CAMKMT: variants seen among roughly 807,000 people sequenced by gnomAD.
CAMKMT encodes the protein CaM KMT.
A neutral mutation model predicts 48.0 loss-of-function variants in CAMKMT; 53 were observed. That is an observed-to-expected ratio of 1.10 (90% confidence interval 0.89 to 1.39). CAMKMT has a LOEUF of 1.39. CAMKMT is among the 40% of genes most tolerant of loss of function. The pLI is 0.00. For missense variants in CAMKMT, 428 were observed against 402.7 expected (o/e 1.06, Z -0.54); for synonymous variants, 165 against 152.3 (o/e 1.08, Z -0.61).
intron 3 of CAMKMT, among the ~76,000 whole-genome samples, chr2:44,624,954 T>C (rs1402826621): frequency 1.3e-5 from 2 of 152,160 alleles, no homozygotes; most frequent in South Asian, 2.1e-4. Flanking sequence ...AGTGTAAAAG[T>C]GTTCCTATTT....
At chr2:44,411,341 A>T (rs1374188311) in intron 3 of CAMKMT, among the ~76,000 whole-genome samples, 1 of 152,212 alleles carries the variant, frequency 6.6e-6, no homozygotes, top group East Asian at 1.9e-4. Context: ...TGAAAAAAAG[A>T]CATTGTCTTA....
intron 3 of CAMKMT, among the ~76,000 whole-genome samples, chr2:44,436,976 TAC>T (rs1666301479): frequency 6.6e-6 from 1 of 152,186 alleles, no homozygotes; most frequent in Admixed American, 6.5e-5. Context: ...AAGGTATTAT[TAC>T]AAGTGGATTT....
At chr2:44,658,035 G>A (rs567647900) in intron 3 of CAMKMT, among the ~76,000 whole-genome samples, 1 of 152,250 alleles carries the variant, frequency 6.6e-6, no homozygotes, top group South Asian at 2.1e-4. Context: ...ATCAAAGGAA[G>A]GCTGTATTTT....
chr2:44,689,914 A>G (rs1049648152), intron 3 of CAMKMT, among the ~76,000 whole-genome samples: 11 of 152,376 alleles, frequency 7.2e-5, no homozygotes, highest in African/African-American at 2.2e-4. Flanking sequence ...GCTGTGCTCA[A>G]TATTGGAGAG....
At chr2:44,434,198 A>C (rs954752705) in intron 3 of CAMKMT, among the ~76,000 whole-genome samples, 1 of 150,676 alleles carries the variant, frequency 6.6e-6, no homozygotes, top group African/African-American at 2.4e-5. Flanking sequence ...CAAGTATTCA[A>C]CTGTGGGCTG....
chr2:44,488,939 C>G (rs1462062503), intron 3 of CAMKMT, among the ~76,000 whole-genome samples: 1 of 151,678 alleles, frequency 6.6e-6, no homozygotes, highest in South Asian at 2.1e-4. Flanking sequence ...AGTCATAGCT[C>G]ACTGCAGCCT....
At chr2:44,668,364 C>T (rs765194501) in intron 3 of CAMKMT, among the ~76,000 whole-genome samples, 3 of 152,168 alleles carry the variant, frequency 2.0e-5, no homozygotes, top group Non-Finnish European at 4.4e-5. Flanking sequence ...CAGCTCTCCT[C>T]GCCAGCTTAA....
At chr2:44,771,225 AT>A (rs1007471767) in intron 10 of CAMKMT, among the ~76,000 whole-genome samples, 5 of 152,072 alleles carry the variant, frequency 3.3e-5, no homozygotes, top group Non-Finnish European at 4.4e-5. Context: ...AGAAATATTT[AT>A]TTTTTTATTC....
At chr2:44,690,925 G>A (rs1250674482) in intron 3 of CAMKMT, among the ~76,000 whole-genome samples, 4 of 151,876 alleles carry the variant, frequency 2.6e-5, no homozygotes, top group African/African-American at 7.3e-5. Flanking sequence ...GCAGCGAGCC[G>A]AGATCGCCCC....
At chr2:44,402,068 T>TA (rs1682421130) in intron 3 of CAMKMT, among the ~76,000 whole-genome samples, 1 of 152,170 alleles carries the variant, frequency 6.6e-6, no homozygotes, top group Non-Finnish European at 1.5e-5. Flanking sequence ...GGCTCACGCC[T>TA]ATAGTCCCAG....
At chr2:44,606,378 A>G (rs1221206461) in intron 3 of CAMKMT, among the ~76,000 whole-genome samples, 1 of 152,182 alleles carries the variant, frequency 6.6e-6, no homozygotes, top group Non-Finnish European at 1.5e-5. Context: ...AACCTAGTCA[A>G]TCTAACATTT....
chr2:44,694,862 G>C (rs1480998499), intron 3 of CAMKMT, among the ~76,000 whole-genome samples: 1 of 152,200 alleles, frequency 6.6e-6, no homozygotes, highest in African/African-American at 2.4e-5. Context: ...CAGAACTCTT[G>C]TTTAGCCAAT....
intron 3 of CAMKMT, among the ~76,000 whole-genome samples, chr2:44,442,859 C>T (rs1235309157): frequency 6.6e-6 from 1 of 152,204 alleles, no homozygotes; most frequent in African/African-American, 2.4e-5. Flanking sequence ...ACATCTAGCA[C>T]AGACCTAGAC....
chr2:44,759,445 T>C (rs905014937), intron 9 of CAMKMT, among the ~76,000 whole-genome samples: 9 of 152,280 alleles, frequency 5.9e-5, no homozygotes, highest in African/African-American at 1.9e-4. Flanking sequence ...AGATACTTTC[T>C]CATCTTTTTT....
intron 3 of CAMKMT, among the ~76,000 whole-genome samples, chr2:44,578,604 G>A (rs1210594706): frequency 1.3e-5 from 2 of 152,126 alleles, no homozygotes; most frequent in Non-Finnish European, 2.9e-5. Flanking sequence ...GCTAACACTG[G>A]CCTTTAGCAA....
intron 3 of CAMKMT, among the ~76,000 whole-genome samples, chr2:44,671,581 C>T (rs577615420): frequency 5.2e-4 from 79 of 152,284 alleles, no homozygotes; most frequent in Non-Finnish European, 9.0e-4. Flanking sequence ...ACCCTCACCC[C>T]GTGTGGCCAC....
At chr2:44,530,417 A>G (rs1181681232) in intron 3 of CAMKMT, among the ~76,000 whole-genome samples, 1 of 152,216 alleles carries the variant, frequency 6.6e-6, no homozygotes, top group African/African-American at 2.4e-5. Flanking sequence ...ATAGCATTTG[A>G]AAGAATTTTT....
intron 3 of CAMKMT, among the ~76,000 whole-genome samples, chr2:44,473,153 A>G (rs559920096): frequency 1.6e-4 from 24 of 152,334 alleles, no homozygotes; most frequent in African/African-American, 5.8e-4. Flanking sequence ...CCTGCTATCA[A>G]CACTACTAAA....
intron 3 of CAMKMT, among the ~76,000 whole-genome samples, chr2:44,514,543 A>C (rs1040666945): frequency 1.3e-5 from 2 of 152,130 alleles, no homozygotes; most frequent in Admixed American, 1.3e-4. Flanking sequence ...AGGGAATGCT[A>C]CATGGATTAA....
Sources: gnomAD v4.1 joint callset for allele counts (sites outside exome capture counted in the v4.1 genomes callset) on GRCh38, gnomAD v4.1.1 for gene constraint, MANE v1.5 for transcripts, NCBI Gene and HGNC (gene_info 2026-07-23, HGNC 2026-07-21) for gene names.